The following TMEM178B variants were observed in gnomAD, a reference collection of about 807,000 sequenced individuals.
The protein encoded by TMEM178B is transmembrane protein 178B.
TMEM178B carries 5 observed loss-of-function variants against 31.0 expected under a neutral mutation model. The ratio of observed to expected loss-of-function variants is 0.16; its 90% CI spans 0.08 to 0.34. The LOEUF (loss-of-function observed/expected upper bound fraction) is 0.34. Ranked by LOEUF, TMEM178B falls within the 10% of genes least tolerant of loss-of-function variation. The probability of loss-of-function intolerance (pLI) is 1.00; values close to 1 mark genes in which losing one functional copy is unlikely to be tolerated. For missense variants in TMEM178B, 275 were observed against 400.3 expected (o/e 0.69, Z 2.67); for synonymous variants, 164 against 164.0 (o/e 1.00, Z 0.00).
At chr7:141,421,334 G>A (rs1411315610) in intron 2 of TMEM178B, among the ~76,000 whole-genome samples, 1 of 152,172 alleles carries the variant, frequency 6.6e-6, no homozygotes, top group East Asian at 1.9e-4. Flanking sequence ...TCCTGCACCT[G>A]TTAAATACAC....
intron 1 of TMEM178B, among the ~76,000 whole-genome samples, chr7:141,124,847 C>G (rs1433810034): frequency 6.6e-6 from 1 of 152,120 alleles, no homozygotes; most frequent in Non-Finnish European, 1.5e-5. Context: ...GATTACACGG[C>G]GGTTTTCTTT....
intron 2 of TMEM178B, among the ~76,000 whole-genome samples, chr7:141,351,452 G>A (rs1563159436): frequency 6.6e-6 from 1 of 152,260 alleles, no homozygotes; most frequent in African/African-American, 2.4e-5. Context: ...TTCTGAGAGA[G>A]AGCAGCAGTG....
At chr7:141,179,618 A>G (rs1796487304) in intron 1 of TMEM178B, among the ~76,000 whole-genome samples, 1 of 152,226 alleles carries the variant, frequency 6.6e-6, no homozygotes, top group Non-Finnish European at 1.5e-5. Flanking sequence ...TAGAATTTAA[A>G]CTGACCTTTA....
intron 2 of TMEM178B, among the ~76,000 whole-genome samples, chr7:141,215,973 G>C (rs765131455): frequency 4.0e-4 from 58 of 145,884 alleles, no homozygotes; most frequent in Non-Finnish European, 6.4e-4. Context: ...TGGGATTACA[G>C]GCATGTGCCA....
chr7:141,202,719 G>A (rs1219239311), intron 1 of TMEM178B, among the ~76,000 whole-genome samples: 3 of 152,182 alleles, frequency 2.0e-5, no homozygotes, highest in East Asian at 1.9e-4. Flanking sequence ...AGCAGAAGGC[G>A]CTAAAGAGAA....
intron 1 of TMEM178B, among the ~76,000 whole-genome samples, chr7:141,179,976 C>T (rs1796494408): frequency 6.6e-6 from 1 of 152,202 alleles, no homozygotes; most frequent in African/African-American, 2.4e-5. Flanking sequence ...CCCCATGCTC[C>T]CAAACCACCT....
intron 2 of TMEM178B, among the ~76,000 whole-genome samples, chr7:141,359,574 A>G (rs1156876660): frequency 6.6e-6 from 1 of 152,222 alleles, no homozygotes; most frequent in African/African-American, 2.4e-5. Context: ...AGTGGATCAC[A>G]TCCTCTTATT....
At chr7:141,125,761 G>C (rs1586783701) in intron 1 of TMEM178B, among the ~76,000 whole-genome samples, 1 of 152,026 alleles carries the variant, frequency 6.6e-6, no homozygotes, top group East Asian at 1.9e-4. Context: ...ACCGGAAAAT[G>C]AAGTTGTAGT....
intron 1 of TMEM178B, among the ~76,000 whole-genome samples, chr7:141,154,729 A>G (rs1796037209): frequency 6.6e-6 from 1 of 150,596 alleles, no homozygotes; most frequent in Non-Finnish European, 1.5e-5. Context: ...TTAACTTGTT[A>G]ACTTTTTTTT....
At chr7:141,186,962 T>G (rs1441411274) in intron 1 of TMEM178B, among the ~76,000 whole-genome samples, 1 of 152,072 alleles carries the variant, frequency 6.6e-6, no homozygotes, top group Non-Finnish European at 1.5e-5. Flanking sequence ...TTATTATACT[T>G]TAAGTTCTAG....
chr7:141,433,069 G>A (rs1801466838), intron 2 of TMEM178B, among the ~76,000 whole-genome samples: 1 of 152,196 alleles, frequency 6.6e-6, no homozygotes, highest in Admixed American at 6.5e-5. Context: ...AACTCCATCA[G>A]GGTGCTGTAG....
At chr7:141,502,574 C>T in the TMEM178B span, among the ~76,000 whole-genome samples, 1 of 152,132 alleles carries the variant, frequency 6.6e-6, no homozygotes, top group Non-Finnish European at 1.5e-5. Context: ...AGTTCGAGAC[C>T]AGCCTGACCA....
At chr7:141,111,602 GCTT>G (rs1418197443) in intron 1 of TMEM178B, among the ~76,000 whole-genome samples, 28 of 152,196 alleles carry the variant, frequency 1.8e-4, no homozygotes, top group African/African-American at 6.5e-4. Flanking sequence ...AATATAGGTG[GCTT>G]CTTCTTGTCT....
chr7:141,403,166 T>C (rs986495791), intron 2 of TMEM178B, among the ~76,000 whole-genome samples: 5 of 152,158 alleles, frequency 3.3e-5, no homozygotes, highest in African/African-American at 1.2e-4. Context: ...CCCCTGGCCT[T>C]CCTACAGGCT....
intron 1 of TMEM178B, among the ~76,000 whole-genome samples, chr7:141,142,290 A>G (rs1476331490): frequency 6.6e-6 from 1 of 152,092 alleles, no homozygotes; most frequent in Non-Finnish European, 1.5e-5. Flanking sequence ...TCTTCATCCA[A>G]TCCACTGCTG....
rs190057244 is a variant in TMEM178B at position 141,476,520 on chromosome 7, A to G, written c.*5734A>G. 9 of 152,232 alleles carry G rather than the reference A, an allele frequency of 5.9e-5. No homozygotes were observed. Among genetic ancestry groups the G allele is most frequent in the Admixed American group, 5.9e-4 (9 of 15,302 alleles). 9.4% of individuals were successfully genotyped at this position (152,232 alleles called of 1,614,324 possible). A position where few individuals can be genotyped will look rare whatever the true frequency, so the allele number is the denominator to read the frequency against. Reference sequence around the variant, plus strand: ...ATGGGTGGAAGCAAATCAGATTCTGAAAGGTTTCAATGATCTTTCAAGTTT... The same window carrying G: ...ATGGGTGGAAGCAAATCAGATTCTGGAAGGTTTCAATGATCTTTCAAGTTT... On this transcript the variant is annotated 3_prime_UTR_variant, in exon 4 of 4. Coordinates refer to ENST00000565468, the MANE Select transcript of TMEM178B (RefSeq NM_001195278.2).
chr7:141,077,977 A>G (rs1184947698), intron 1 of TMEM178B, among the ~76,000 whole-genome samples: 1 of 152,220 alleles, frequency 6.6e-6, no homozygotes, highest in Non-Finnish European at 1.5e-5. Flanking sequence ...ATTTTTTATG[A>G]TGGATAAGGT....
chr7:141,459,274 C>T (rs751443276), intron 3 of TMEM178B, among the ~76,000 whole-genome samples: 5 of 152,136 alleles, frequency 3.3e-5, no homozygotes, highest in Admixed American at 6.5e-5. Flanking sequence ...GGTGATCCAC[C>T]GCCTCGGCCT....
Position 141,101,908 on chromosome 7 carries a change from C to CGTGTGTGTGT in TMEM178B, c.382+27241_382+27250dup, listed in dbSNP as rs3032868. ...CAGGTGCCTGGATAGTGTGTGTTAA[C>CGTGTGTGTGT]GTGTGTGTGTGTGTGTGTGTGTGTG... On this transcript the variant is annotated intron_variant, in intron 1 of 3. Transcript: ENST00000565468. Among the ~76,000 whole-genome samples, 614 of 142,796 alleles carry CGTGTGTGTGT rather than the reference C, an allele frequency of 4.3e-3. 2 individuals carry two copies. The highest frequency in any genetic ancestry group is 0.022 in the Middle Eastern group (6 of 276). 93.7% of individuals were successfully genotyped at this position (142,796 alleles called of 152,430 possible).
Sources: allele counts gnomAD v4.1 joint callset (sites outside exome capture counted in the v4.1 genomes callset), GRCh38; gene constraint gnomAD v4.1.1; transcripts MANE v1.5; gene names NCBI Gene and HGNC (gene_info 2026-07-23, HGNC 2026-07-21).